Variants in CELA1 observed in about 807,000 individuals in gnomAD.
CELA1 encodes the protein chymotrypsin-like elastase family member 1.
Under a neutral mutation model 34.8 loss-of-function variants are expected in CELA1, and 28 were observed. That is an observed-to-expected ratio of 0.80 (90% confidence interval 0.60 to 1.10). The LOEUF (loss-of-function observed/expected upper bound fraction) is 1.10. Ranked by LOEUF, CELA1 falls within the 50% of genes least tolerant of loss-of-function variation. The pLI is 0.00. For synonymous variants in CELA1, 140 were observed against 129.8 expected, an observed-to-expected ratio of 1.08 and a Z score of -0.53; for missense variants, 288 against 327.5, an observed-to-expected ratio of 0.88 and a Z score of 0.93.
chr12:51,329,539 G>A (rs1369455302), intron 7 of CELA1, 145 bp downstream of exon 7: 8 of 844,118 alleles, frequency 9.5e-6, no homozygotes, highest in Middle Eastern at 3.8e-4. Context: ...AAAGTACACC[G>A]TGGAAGGAAG....
intron 6 of CELA1, among the ~76,000 whole-genome samples, chr12:51,330,828 G>A (rs1483430077): frequency 6.6e-6 from 1 of 151,784 alleles, no homozygotes; most frequent in East Asian, 1.9e-4. Context: ...AAATTAGCCG[G>A]GCGTGGTGGT....
intron 6 of CELA1, among the ~76,000 whole-genome samples, chr12:51,337,980 C>T (rs1187875032): frequency 6.6e-6 from 1 of 151,424 alleles, no homozygotes; most frequent in Admixed American, 6.6e-5. Context: ...AATCCCAGCA[C>T]TTTGGGAGGC....
intron 1 of CELA1, 59 bp from the exon 2 acceptor site, chr12:51,345,936 G>A: frequency 8.4e-7 from 1 of 1,196,586 alleles, no homozygotes. Context: ...CAGGGGTAGG[G>A]GTGGGGGGTG....
intron 6 of CELA1, among the ~76,000 whole-genome samples, chr12:51,334,637 T>C (rs1016458239): frequency 3.9e-5 from 6 of 152,152 alleles, no homozygotes; most frequent in Non-Finnish European, 5.9e-5. Context: ...GGTTTCACCG[T>C]GTTAGCCAGG....
rs1284421141 is a variant in CELA1 at position 51,341,255 on chromosome 12, C to T, written c.452G>A (p.Gly151Asp). Reference protein sequence around the residue: ...NNSPCYITGWGKTKTNGQLAQ... With the variant: ...NNSPCYITGWDKTKTNGQLAQ... Reference sequence around the variant, plus strand: ...TGTAGGCAACTTACTCTTGGTCTTGCCCCAGCCTGTGATGTAGCAGGGACT... The same window carrying T: ...TGTAGGCAACTTACTCTTGGTCTTGTCCCAGCCTGTGATGTAGCAGGGACT... Residue 151 changes from glycine (G) to aspartate (D), a missense_variant, in exon 5 of 8, where the codon GGC becomes GAC. Physicochemically the swap from Gly to Asp is moderately conservative, Grantham distance 94 (BLOSUM62 -1). Transcript: ENST00000293636. 5 of 1,614,000 alleles carry T rather than the reference C, an allele frequency of 3.1e-6. No individual in the cohort carries two copies. Among genetic ancestry groups the T allele is most frequent in the Non-Finnish European group, 4.2e-6 (5 of 1,179,910 alleles).
intron 6 of CELA1, among the ~76,000 whole-genome samples, chr12:51,334,978 C>A (rs567013057): frequency 6.6e-6 from 1 of 152,246 alleles, no homozygotes; most frequent in East Asian, 1.9e-4. Context: ...CCCATACAAC[C>A]CTTTCCCCTT....
At chr12:51,345,238 T>C (rs1384840267) in intron 2 of CELA1, among the ~76,000 whole-genome samples, 2 of 152,260 alleles carry the variant, frequency 1.3e-5, no homozygotes, top group Non-Finnish European at 2.9e-5. Flanking sequence ...CAGACTTTTA[T>C]AAGCTAAAAC....
chr12:51,343,325 T>C (rs1946549046), intron 3 of CELA1, among the ~76,000 whole-genome samples: 1 of 152,194 alleles, frequency 6.6e-6, no homozygotes. Context: ...CTCTGCTGGA[T>C]GGGGCCCAGC....
chr12:51,336,128 C>T (rs1255233963), intron 6 of CELA1, among the ~76,000 whole-genome samples: 1 of 152,106 alleles, frequency 6.6e-6, no homozygotes, highest in Admixed American at 6.5e-5. Context: ...TCATAATATC[C>T]TTATTACCAG....
chr12:51,342,460 C>G, intron 4 of CELA1, 115 bp downstream of exon 4: 1 of 1,456,174 alleles, frequency 6.9e-7, no homozygotes, highest in Non-Finnish European at 9.4e-7. Context: ...AGCCACGGAC[C>G]AGGTTTCAGG....
chr12:51,333,395 TTTTTTTTTTG>T (rs1946482526), intron 6 of CELA1, among the ~76,000 whole-genome samples: 2 of 105,738 alleles, frequency 1.9e-5, no homozygotes, highest in Admixed American at 1.2e-4. Context: ...AGCCCGACTG[TTTTTTTTTTG>T]TTTTTTTTTT....
At chr12:51,337,310 G>C (rs1188769715) in intron 6 of CELA1, among the ~76,000 whole-genome samples, 2 of 152,116 alleles carry the variant, frequency 1.3e-5, no homozygotes, top group Non-Finnish European at 1.5e-5. Flanking sequence ...CAAGGCAGGA[G>C]GATTGCTTGA....
chr12:51,333,454 T>TA (rs1303703247), intron 6 of CELA1, among the ~76,000 whole-genome samples: 1 of 148,936 alleles, frequency 6.7e-6, no homozygotes. Context: ...AGTGCAGTGG[T>TA]ATGATCATAG....
intron 2 of CELA1, 31 bp from the exon 3 acceptor site, chr12:51,343,884 G>T (rs1946552175): frequency 7.9e-7 from 1 of 1,262,110 alleles, no homozygotes; most frequent in South Asian, 1.2e-5. Flanking sequence ...GAAGGGATAG[G>T]TTGGTGTTTC....
chr12:51,342,820 T>C (rs1211281631), intron 3 of CELA1, 120 bp from the exon 4 acceptor site: 2 of 1,224,538 alleles, frequency 1.6e-6, no homozygotes, highest in South Asian at 3.4e-5. Flanking sequence ...AAATTTTTTT[T>C]TTTTTTTAGA....
chr12:51,338,302 A>ACACG (rs1483256940), intron 6 of CELA1, among the ~76,000 whole-genome samples: 49 of 24,446 alleles, frequency 2.0e-3, no homozygotes, highest in South Asian at 4.0e-3. Flanking sequence ...ACATACGCAT[A>ACACG]CATATATATA....
chr12:51,345,818 C>A lies in CELA1; in HGVS notation c.76G>T (p.Gly26Trp). Residue 26 changes from glycine to tryptophan, a missense_variant, in exon 2 of 8, where the codon GGG (glycine) becomes TGG (tryptophan). By Grantham distance (184) the Gly-to-Trp change is radical. Transcript: ENST00000293636. ...NARVVGGTEA[G>W]RNSWPSQISL... ...ACCTGAGAGGGCCAGGAATTCCTCC[C>A]GGCCTCAGTCCCTCCGACTACGCGG... is the stretch of plus-strand genomic sequence containing the variant. 6.4e-7 allele frequency: 1 copy of A among 1,557,746 alleles called. No homozygotes were observed.
rs371690709 is a variant in CELA1, at chr12:51,341,353, G to C, written c.354C>G (p.Ala118=). 1 of 1,614,154 alleles carries C rather than the reference G, an allele frequency of 6.2e-7. No individual in the cohort carries two copies. Among genetic ancestry groups the C allele is most frequent in the Non-Finnish European group, 8.5e-7 (1 of 1,180,028 alleles). ...CATAGCTATTGAGGGTAACGCTCTG[G>C]GCCAGGCGCAGCAGGGCGATGTCAT... ...AGYDIALLRL[A]QSVTLNSYVQ... is the part of the protein sequence containing the mutation. Residue 118 remains alanine (A), a synonymous_variant, in exon 5 of 8, where the codon GCC becomes GCG. Transcript: ENST00000293636.
In CELA1 at chr12:51,341,254, G is replaced by A. The variant is rs575361809; in HGVS notation, c.453C>T (p.Gly151=). 2 of 1,613,958 alleles carry A rather than the reference G, an allele frequency of 1.2e-6. No homozygotes were observed. The highest frequency in any genetic ancestry group is 2.7e-5 in the African/African-American group (2 of 74,916). Residue 151 remains glycine, a synonymous_variant, in exon 5 of 8, where the codon GGC becomes GGT. Coordinates refer to ENST00000293636, the MANE Select transcript of CELA1 (RefSeq NM_001971.6). ...ATGTAGGCAACTTACTCTTGGTCTT[G>A]CCCCAGCCTGTGATGTAGCAGGGAC... ...NNSPCYITGW[G]KTKTNGQLAQ...
Sources: gnomAD v4.1 joint callset for allele counts (sites outside exome capture counted in the v4.1 genomes callset) on GRCh38, gnomAD v4.1.1 for gene constraint, MANE v1.5 for transcripts, NCBI Gene and HGNC (gene_info 2026-07-23, HGNC 2026-07-21) for gene names.